Variants in RBM33 observed in about 807,000 individuals in gnomAD.
RBM33 encodes the protein RNA binding motif protein 33, also known as RNA-binding protein 33.
In RBM33, 28 loss-of-function variants were observed where a neutral mutation model predicts 132.6. The observed-to-expected ratio is 0.21, with a 90% CI of 0.16 to 0.29. The LOEUF (loss-of-function observed/expected upper bound fraction) is 0.29. Ranked by LOEUF, RBM33 falls within the 10% of genes least tolerant of loss-of-function variation. RBM33 has a pLI of 1.00. For synonymous variants in RBM33, 634 were observed against 593.0 expected (o/e 1.07, Z -1.01); for missense variants, 1,291 against 1,518.5 (o/e 0.85, Z 2.49).
At chr7:155,648,185 TC>T (rs1798255098) in intron 1 of RBM33, among the ~76,000 whole-genome samples, 1 of 152,202 alleles carries the variant, frequency 6.6e-6, no homozygotes, top group Admixed American at 6.5e-5. Flanking sequence ...GCATCAACAT[TC>T]TGGCAATCTG....
intron 5 of RBM33, among the ~76,000 whole-genome samples, chr7:155,683,598 G>C (rs1403232888): frequency 6.6e-6 from 1 of 152,196 alleles, no homozygotes; most frequent in Non-Finnish European, 1.5e-5. Context: ...GCGAGGTCCA[G>C]AGACATCAAT....
intron 14 of RBM33, among the ~76,000 whole-genome samples, chr7:155,755,873 T>G (rs1406348607): frequency 6.6e-6 from 1 of 152,130 alleles, no homozygotes; most frequent in Non-Finnish European, 1.5e-5. Flanking sequence ...TAAGCTTACT[T>G]AATTCAAATA....
chr7:155,709,641 T>C (rs1055594342), intron 7 of RBM33, among the ~76,000 whole-genome samples: 8 of 152,232 alleles, frequency 5.3e-5, no homozygotes, highest in Non-Finnish European at 1.2e-4. Context: ...TGACCATGCA[T>C]TGTGGTCACT....
At chr7:155,720,038 G>A (rs1800574189) in intron 9 of RBM33, among the ~76,000 whole-genome samples, 1 of 152,150 alleles carries the variant, frequency 6.6e-6, no homozygotes, top group South Asian at 2.1e-4. Context: ...GAACATTTTT[G>A]TGAGAAATTG....
At chr7:155,702,386 A>G (rs1799990978) in intron 6 of RBM33, among the ~76,000 whole-genome samples, 2 of 152,084 alleles carry the variant, frequency 1.3e-5, no homozygotes, top group South Asian at 2.1e-4. Context: ...GTTTACTACT[A>G]CTCCATCTTG....
chr7:155,707,173 A>G, intron 7 of RBM33, 105 bp downstream of exon 7: 1 of 1,009,210 alleles, frequency 9.9e-7, no homozygotes. Context: ...TCTGAAATGA[A>G]AGGTTAGTAG....
intron 14 of RBM33, among the ~76,000 whole-genome samples, chr7:155,762,700 C>T (rs1476586102): frequency 1.3e-5 from 2 of 152,144 alleles, no homozygotes; most frequent in East Asian, 1.9e-4. Context: ...GTAGGAAGAG[C>T]GGGACACAAG....
chr7:155,673,446 G>GTA (rs1460510333), intron 3 of RBM33, among the ~76,000 whole-genome samples: 24 of 139,442 alleles, frequency 1.7e-4, no homozygotes, highest in South Asian at 9.5e-4. Flanking sequence ...GTGTGTATGT[G>GTA]TATATATACC....
chr7:155,679,283 TA>T (rs1352756648), intron 4 of RBM33, among the ~76,000 whole-genome samples: 2 of 152,238 alleles, frequency 1.3e-5, no homozygotes, highest in Non-Finnish European at 2.9e-5. Flanking sequence ...GCTGCTTTTC[TA>T]AAGAATTCCT....
chr7:155,744,813 ACTTAAAGTCTTCAAACAG>A (rs1427007176), intron 13 of RBM33, 130 bp from the exon 14 acceptor site: 1 of 749,172 alleles, frequency 1.3e-6, no homozygotes, highest in Non-Finnish European at 2.0e-6. Flanking sequence ...AAGGAGTTAT[ACTTAAAGTCTTCAAACAG>A]ATTTTGAGTG....
intron 5 of RBM33, among the ~76,000 whole-genome samples, chr7:155,692,367 G>T (rs533699065): frequency 6.6e-6 from 1 of 152,274 alleles, no homozygotes; most frequent in Non-Finnish European, 1.5e-5. Context: ...TGAGCAAAGC[G>T]AGCAAATCAC....
intron 14 of RBM33, among the ~76,000 whole-genome samples, chr7:155,760,165 G>A (rs1249669606): frequency 6.6e-6 from 1 of 152,150 alleles, no homozygotes; most frequent in African/African-American, 2.4e-5. Flanking sequence ...AGACATTTTG[G>A]TAAGCTGAAC....
intron 1 of RBM33, among the ~76,000 whole-genome samples, chr7:155,653,892 G>C (rs549020647): frequency 3.9e-5 from 6 of 152,186 alleles, no homozygotes; most frequent in Non-Finnish European, 1.5e-5. Flanking sequence ...CCTCATTGCA[G>C]TTGGCATCTG....
chr7:155,672,297 A>T (rs1172962733), intron 2 of RBM33, among the ~76,000 whole-genome samples: 3 of 152,192 alleles, frequency 2.0e-5, no homozygotes, highest in Admixed American at 2.0e-4. Flanking sequence ...ACCCAAAGAG[A>T]TTAAGATCCC....
Position 155,742,109 on chromosome 7 carries a change from A to T in RBM33, c.2337+3A>T. The stretch of plus-strand genomic sequence containing the variant: ...AAGAGGCAAAAACAGAAACAGAGGT[A>T]GGACACTGCTCTTATTAACAAATGT... On this transcript the variant is annotated splice_donor_region_variant and intron_variant, in intron 13 of 17. Transcript: ENST00000401878. 2 of 1,608,926 alleles carry T rather than the reference A, an allele frequency of 1.2e-6. No individual in the cohort carries two copies. The highest frequency in any genetic ancestry group is 1.7e-6 in the Non-Finnish European group (2 of 1,176,386).
intron 2 of RBM33, among the ~76,000 whole-genome samples, chr7:155,665,492 T>C (rs1461595483): frequency 6.6e-6 from 1 of 152,242 alleles, no homozygotes; most frequent in African/African-American, 2.4e-5. Flanking sequence ...CTGTCCTTTT[T>C]CTTTGTTTTT....
intron 2 of RBM33, among the ~76,000 whole-genome samples, chr7:155,667,434 G>A (rs1585412866): frequency 6.6e-6 from 1 of 152,070 alleles, no homozygotes; most frequent in East Asian, 1.9e-4. Context: ...TTCTACAGTG[G>A]TTATTCAGAT....
At chr7:155,675,958 C>G (rs1035088539) in intron 3 of RBM33, among the ~76,000 whole-genome samples, 1 of 152,052 alleles carries the variant, frequency 6.6e-6, no homozygotes, top group African/African-American at 2.4e-5. Context: ...GGTTTAATTT[C>G]TATTTATTTG....
At chr7:155,762,047 G>C (rs530486400) in intron 14 of RBM33, among the ~76,000 whole-genome samples, 2 of 152,340 alleles carry the variant, frequency 1.3e-5, no homozygotes, top group South Asian at 4.1e-4. Flanking sequence ...GTAGCTTAGT[G>C]GCCAGCCAGC....
Sources: allele counts gnomAD v4.1 joint callset (sites outside exome capture counted in the v4.1 genomes callset), GRCh38; gene constraint gnomAD v4.1.1; transcripts MANE v1.5; gene names NCBI Gene and HGNC (gene_info 2026-07-23, HGNC 2026-07-21).